IL18: variants seen among roughly 807,000 people sequenced by gnomAD.
The protein encoded by IL18 is interleukin 18.
In IL18, 8 loss-of-function variants were observed where a neutral mutation model predicts 14.2. That is an observed-to-expected ratio of 0.56 (90% CI 0.33 to 1.01). The LOEUF (loss-of-function observed/expected upper bound fraction) is 1.01. Ranked by LOEUF, IL18 falls within the 50% of genes least tolerant of loss-of-function variation. IL18 has a pLI of 0.03. For missense variants in IL18, 166 were observed against 231.1 expected, an observed-to-expected ratio of 0.72 and a Z score of 1.83; for synonymous variants, 67 against 71.0, an observed-to-expected ratio of 0.94 and a Z score of 0.28.
At chr11:112,157,832 C>G (rs1866559742) in intron 1 of IL18, among the ~76,000 whole-genome samples, 1 of 152,148 alleles carries the variant, frequency 6.6e-6, no homozygotes, top group Non-Finnish European at 1.5e-5. Flanking sequence ...TTCTAAAGAT[C>G]TCACATAGTT....
At chr11:112,145,638 G>C (rs189701811) in intron 5 of IL18, among the ~76,000 whole-genome samples, 21 of 152,076 alleles carry the variant, frequency 1.4e-4, no homozygotes, top group African/African-American at 4.6e-4. Flanking sequence ...GCTTGGGAGG[G>C]TGAGGCAGGA....
intron 4 of IL18, among the ~76,000 whole-genome samples, chr11:112,149,558 G>GTTTTTTTTTTT (rs561459069): frequency 4.0e-5 from 4 of 99,370 alleles, no homozygotes; most frequent in Non-Finnish European, 7.7e-5. Context: ...CTTTTCTTAA[G>GTTTTTTTTTTT]TTTTTTTTTT....
At chr11:112,154,812 T>C (rs1866504944) in intron 2 of IL18, among the ~76,000 whole-genome samples, 163 bp downstream of exon 2, 1 of 152,172 alleles carries the variant, frequency 6.6e-6, no homozygotes, top group Admixed American at 6.5e-5. Flanking sequence ...ACCTTGGACA[T>C]GTTGTGGTTA....
intron 5 of IL18, among the ~76,000 whole-genome samples, chr11:112,144,767 T>G (rs1866306956): frequency 6.6e-6 from 1 of 152,246 alleles, no homozygotes; most frequent in South Asian, 2.1e-4. Flanking sequence ...ATAGTAGTCT[T>G]GAATTTCTGT....
chr11:112,144,318 GA>G (rs1302794200), intron 5 of IL18, among the ~76,000 whole-genome samples: 2 of 152,286 alleles, frequency 1.3e-5, no homozygotes, highest in African/African-American at 4.8e-5. Flanking sequence ...CTGCAGCCTT[GA>G]ATTCCTGGGC....
intron 1 of IL18, among the ~76,000 whole-genome samples, chr11:112,163,016 G>A (rs1197023903): frequency 2.0e-5 from 3 of 152,154 alleles, no homozygotes; most frequent in African/African-American, 7.2e-5. Flanking sequence ...AGGCCTGCCT[G>A]AGATTCTAGG....
chr11:112,151,375 A>C (rs1290527895), intron 3 of IL18, among the ~76,000 whole-genome samples: 1 of 152,196 alleles, frequency 6.6e-6, no homozygotes, highest in African/African-American at 2.4e-5. Flanking sequence ...AAAGGAGTGT[A>C]GAAATATTGT....
At chr11:112,147,194 T>G (rs1285374367) in intron 5 of IL18, among the ~76,000 whole-genome samples, 1 of 151,958 alleles carries the variant, frequency 6.6e-6, no homozygotes, top group African/African-American at 2.4e-5. Flanking sequence ...CCTCCCAAAG[T>G]GCTGGGATTA....
rs1164625340 is a variant in IL18, at chr11:112,148,545, T to A, written c.360+58A>T. 3 of 910,660 alleles carry A rather than the reference T, an allele frequency of 3.3e-6. No homozygotes were observed. The African/African-American group carries it at 5.3e-5, about 16-fold the overall frequency. 56.4% of individuals were successfully genotyped at this position (910,660 alleles called of 1,614,324 possible). A position where few individuals can be genotyped will look rare whatever the true frequency, so the allele number is the denominator to read the frequency against. Reference sequence around the variant, plus strand: ...TATTAACATTAGAAATAATGTTATATTTCTAATTATATTAATTATATTAAC... The same window carrying A: ...TATTAACATTAGAAATAATGTTATAATTCTAATTATATTAATTATATTAAC... On this transcript the variant is annotated intron_variant, in intron 5 of 5. Transcript: ENST00000280357.
At chr11:112,145,186 G>A (rs962393474) in intron 5 of IL18, among the ~76,000 whole-genome samples, 8 of 152,210 alleles carry the variant, frequency 5.3e-5, no homozygotes, top group African/African-American at 1.9e-4. Flanking sequence ...TTCTCAATCA[G>A]TTGTGGAATC....
At chr11:112,157,614 G>A (rs538983532) in intron 1 of IL18, among the ~76,000 whole-genome samples, 7 of 152,282 alleles carry the variant, frequency 4.6e-5, no homozygotes, top group African/African-American at 1.4e-4. Context: ...TGATGGTGCT[G>A]GAGAAGGTTA....
chr11:112,156,190 T>C (rs980881862), intron 1 of IL18, among the ~76,000 whole-genome samples: 1 of 152,184 alleles, frequency 6.6e-6, no homozygotes, highest in African/African-American at 2.4e-5. Flanking sequence ...AGGCCTAGCA[T>C]GTATGGTAGA....
intron 1 of IL18, among the ~76,000 whole-genome samples, chr11:112,157,202 T>C (rs1866549742): frequency 6.6e-6 from 1 of 152,220 alleles, no homozygotes. Flanking sequence ...TTTTGATTAG[T>C]TATCAGTTGG....
chr11:112,150,227 C>A, intron 3 of IL18, 21 bp from the exon 4 acceptor site: 1 of 1,462,284 alleles, frequency 6.8e-7, no homozygotes, highest in South Asian at 1.2e-5. Context: ...CATTAAATCT[C>A]ATTTAAAAAT....
At chr11:112,159,301 C>T (rs1866588636) in intron 1 of IL18, among the ~76,000 whole-genome samples, 1 of 152,070 alleles carries the variant, frequency 6.6e-6, no homozygotes, top group Admixed American at 6.6e-5. Flanking sequence ...TGCTCCACTG[C>T]ACTTCAGCCT....
intron 1 of IL18, among the ~76,000 whole-genome samples, chr11:112,159,460 A>C (rs12270240): frequency 0.023 from 3,552 of 152,244 alleles, 146 homozygotes; most frequent in African/African-American, 0.081. Flanking sequence ...AATTAAGGTA[A>C]TGAATTCAAG....
intron 4 of IL18, among the ~76,000 whole-genome samples, chr11:112,149,437 TTAAGG>T (rs1211451514): frequency 2.6e-5 from 4 of 152,108 alleles, no homozygotes; most frequent in Non-Finnish European, 5.9e-5. Context: ...AAAATATATG[TTAAGG>T]TAAGTATTCA....
At position 112,153,594 on chromosome 11, in the gene IL18, T is replaced by C. The variant is rs972965703; in HGVS notation, c.89A>G (p.Asp30Gly). The change falls in exon 3 of 6, where the codon GAT (aspartate) becomes GGT (glycine). Residue 30 changes from aspartate (D) to glycine (G), a missense_variant and splice_region_variant. Physicochemically the swap from Asp to Gly is moderately conservative, Grantham distance 94 (BLOSUM62 -1). Transcript: ENST00000280357. ...AAATAAATTCATTTCTACTTTACCA[T>C]CATCTTCAGCTAAGAGGGGGAAAAA... ...DNTLYFIAEDDENLESDYFGK... is the reference protein window; with the variant it reads ...DNTLYFIAEDGENLESDYFGK... The C allele has an allele frequency of 1.3e-6, 2 of 1,559,508 alleles. No individual in the cohort carries two copies. Among genetic ancestry groups the C allele is most frequent in the African/African-American group, 2.7e-5 (2 of 73,194 alleles).
chr11:112,159,298 C>T (rs1447269266), intron 1 of IL18, among the ~76,000 whole-genome samples: 1 of 152,076 alleles, frequency 6.6e-6, no homozygotes. Context: ...AAGTGCTCCA[C>T]TGCACTTCAG....
Sources: gnomAD v4.1 joint callset for allele counts (sites outside exome capture counted in the v4.1 genomes callset) on GRCh38, gnomAD v4.1.1 for gene constraint, MANE v1.5 for transcripts, NCBI Gene and HGNC (gene_info 2026-07-23, HGNC 2026-07-21) for gene names.